Variants in EVC2 observed in about 807,000 individuals in gnomAD.
The protein encoded by EVC2 is limbin.
EVC2 carries 148 observed loss-of-function variants against 149.3 expected under a neutral mutation model. The ratio of observed to expected loss-of-function variants is 0.99; its 90% CI spans 0.87 to 1.14. The LOEUF (loss-of-function observed/expected upper bound fraction) is 1.14, where lower values mean the gene tolerates loss of function less well. Among genes scored for constraint, EVC2 ranks in the 50% most tolerant of loss-of-function variants. The pLI is 0.00. For synonymous variants in EVC2, 776 were observed against 649.9 expected (o/e 1.19, Z -2.95); for missense variants, 1,854 against 1,627.3 (o/e 1.14, Z -2.40).
intron 9 of EVC2, among the ~76,000 whole-genome samples, chr4:5,648,636 G>C (rs1717899462): frequency 6.6e-6 from 1 of 152,184 alleles, no homozygotes; most frequent in Non-Finnish European, 1.5e-5. Context: ...AATAATAATA[G>C]TTTCCTCATT....
intron 3 of EVC2, among the ~76,000 whole-genome samples, chr4:5,692,965 A>G (rs1015664058): frequency 6.6e-6 from 1 of 151,898 alleles, no homozygotes. Flanking sequence ...AGCCTGACCC[A>G]GGCCTCTGAT....
chr4:5,617,212 G>C (rs540397573), intron 15 of EVC2, among the ~76,000 whole-genome samples: 1 of 152,230 alleles, frequency 6.6e-6, no homozygotes, highest in African/African-American at 2.4e-5. Flanking sequence ...GAAAAGAAGT[G>C]AGTTTAAAGT....
rs748820015 is a variant in EVC2, at chr4:5,694,444, G to C, written c.341C>G (p.Ser114Ter). 9 of 1,614,084 alleles carry C rather than the reference G, an allele frequency of 5.6e-6. No homozygotes were observed. In the Admixed American group the frequency reaches 6.7e-5, roughly 12 times the overall value. ...TGGCCCACTAGAGGCTGCAGAAGTT[G>C]AGAGTGGGATGAAGACTTCCATTTT... is the stretch of plus-strand genomic sequence containing the variant. ...DKKMEVFIPL[S>*]TSAASSGPWA... is the part of the protein sequence containing the mutation. The change falls in exon 3 of 22, where the codon TCA (serine) becomes TGA (stop). Residue 114 changes from serine to a stop codon, truncating the protein, a stop_gained. Coordinates refer to ENST00000344408, the MANE Select transcript of EVC2 (RefSeq NM_147127.5). LOFTEE classifies it high-confidence loss of function.
intron 21 of EVC2, among the ~76,000 whole-genome samples, chr4:5,545,982 A>G (rs1174677848): frequency 6.6e-6 from 1 of 152,218 alleles, no homozygotes; most frequent in Non-Finnish European, 1.5e-5. Flanking sequence ...ATCACTGGCC[A>G]TCAGAGAAAT....
intron 15 of EVC2, 103 bp from the exon 16 acceptor site, chr4:5,615,647 C>G: frequency 6.5e-7 from 1 of 1,527,414 alleles, no homozygotes; most frequent in Non-Finnish European, 9.0e-7. Context: ...CTGCAGCTCC[C>G]AGAACTGCAA....
chr4:5,671,842 T>C (rs1405300169), intron 7 of EVC2, among the ~76,000 whole-genome samples: 2 of 152,198 alleles, frequency 1.3e-5, no homozygotes, highest in Non-Finnish European at 2.9e-5. Flanking sequence ...AATTCTTACA[T>C]CCATTTCACA....
chr4:5,571,141 C>T (rs1209047327), intron 19 of EVC2, among the ~76,000 whole-genome samples: 1 of 151,686 alleles, frequency 6.6e-6, no homozygotes, highest in African/African-American at 2.4e-5. Flanking sequence ...CGTGGTGAAA[C>T]CCCGTCTCTA....
rs548381022 is a variant in EVC2, at chr4:5,584,697, G to A, written c.2983C>T (p.Leu995Phe). ...TCAGATGCACTCAGCTCTTCCAGGAGCAAGTCCTGGATGCTGAGGAGGGCG... is the reference window on the plus strand; with the variant it reads ...TCAGATGCACTCAGCTCTTCCAGGAACAAGTCCTGGATGCTGAGGAGGGCG... ...YTALLSIQDL[L>F]LEELSASEML... Residue 995 changes from leucine (L) to phenylalanine (F), a missense_variant, in exon 17 of 22, where the codon CTC becomes TTC. Leu to Phe is a conservative substitution (Grantham distance 22). Transcript: ENST00000344408. 1 of 1,614,104 alleles carries A rather than the reference G, an allele frequency of 6.2e-7. No homozygotes were observed. The highest frequency in any genetic ancestry group is 1.3e-5 in the African/African-American group (1 of 75,028).
intron 16 of EVC2, among the ~76,000 whole-genome samples, chr4:5,591,304 G>A (rs890842834): frequency 6.6e-6 from 1 of 152,184 alleles, no homozygotes; most frequent in African/African-American, 2.4e-5. Context: ...CCCGTCAGAA[G>A]GGCCACCCTG....
intron 16 of EVC2, among the ~76,000 whole-genome samples, chr4:5,610,875 G>C (rs564679134): frequency 6.7e-6 from 1 of 149,444 alleles, no homozygotes; most frequent in African/African-American, 2.5e-5. Context: ...GACTAGGATG[G>C]GTAAGCTGGA....
At position 5,622,116 on chromosome 4, in the gene EVC2, C is replaced by T. The variant is rs577080685; in HGVS notation, c.2501+421G>A. Among the ~76,000 whole-genome samples the T allele has an allele frequency of 1.2e-3, 176 of 152,178 alleles. No homozygotes were observed. The Middle Eastern group carries it at 0.02, about 18-fold the overall frequency. The stretch of plus-strand genomic sequence containing the variant: ...CTAGCAGGGCCTGGAATGGCCTAAC[C>T]GCAAGCTCCCCTTCCCCCTCTGCTC... On this transcript the variant is annotated intron_variant, in intron 14 of 21. Transcript: ENST00000344408. This position sits in a 1 kb window ranked among gnomAD's most constrained non-coding sequence, Gnocchi z 5.8.
At chr4:5,650,392 T>C (rs1297286470) in intron 9 of EVC2, among the ~76,000 whole-genome samples, 1 of 151,964 alleles carries the variant, frequency 6.6e-6, no homozygotes, top group Non-Finnish European at 1.5e-5. Context: ...GATATTTCAT[T>C]ATGTTTGGAA....
chr4:5,705,890 G>A (rs967524330), intron 1 of EVC2, among the ~76,000 whole-genome samples: 3 of 152,132 alleles, frequency 2.0e-5, no homozygotes, highest in African/African-American at 4.8e-5. Context: ...TGCATTCCCA[G>A]TGGGCATCAA....
rs149561981 is a variant in EVC2, at chr4:5,699,126, G to C, written c.229-1479C>G. Among the ~76,000 whole-genome samples, 820 of 152,328 alleles carry C rather than the reference G, an allele frequency of 5.4e-3. 7 individuals carry two copies. The highest frequency in any genetic ancestry group is 0.019 in the African/African-American group (778 of 41,578). On this transcript the variant is annotated intron_variant, in intron 1 of 21. Coordinates refer to ENST00000344408, the MANE Select transcript of EVC2 (RefSeq NM_147127.5). Reference sequence around the variant, plus strand: ...GGTGTGGAGGAGGCCCACCCACGGAGATGGAGACTCCTGGAGGGACACGGA... The same window carrying C: ...GGTGTGGAGGAGGCCCACCCACGGACATGGAGACTCCTGGAGGGACACGGA...
At chr4:5,697,448 T>C (rs1721552517) in intron 2 of EVC2, 145 bp downstream of exon 2, 1 of 796,288 alleles carries the variant, frequency 1.3e-6, no homozygotes, top group Non-Finnish European at 2.1e-6. Flanking sequence ...CCTAGTTCTG[T>C]AAGGTCAGGG....
At position 5,596,160 on chromosome 4, in the gene EVC2, C is replaced by T. The variant is rs934247275; in HGVS notation, c.2830-11310G>A. Among the ~76,000 whole-genome samples, 77 of 152,210 alleles carry T rather than the reference C, an allele frequency of 5.1e-4. 1 individual carries two copies. Among genetic ancestry groups the T allele is most frequent in the African/African-American group, 1.5e-3 (63 of 41,512 alleles). On this transcript the variant is annotated intron_variant, in intron 16 of 21. Transcript: ENST00000344408. Reference sequence around the variant, plus strand: ...CCACTGTCAACATTAGACATATCAACAAGACAGAAAGTTAACAAGGATACC... The same window carrying T: ...CCACTGTCAACATTAGACATATCAATAAGACAGAAAGTTAACAAGGATACC...
chr4:5,543,829 A>G (rs1030523875), intron 21 of EVC2, among the ~76,000 whole-genome samples: 4 of 152,202 alleles, frequency 2.6e-5, no homozygotes, highest in Non-Finnish European at 5.9e-5. Context: ...TCTGGGCAGG[A>G]CACTCTCACA....
chr4:5,624,182 T>G (rs543493273), intron 13 of EVC2, among the ~76,000 whole-genome samples: 7 of 152,234 alleles, frequency 4.6e-5, no homozygotes, highest in African/African-American at 1.7e-4. Context: ...AAAGGCCCCG[T>G]GGTGGGAAAA....
At chr4:5,624,257 C>T (rs1279197452) in intron 13 of EVC2, among the ~76,000 whole-genome samples, 3 of 152,150 alleles carry the variant, frequency 2.0e-5, no homozygotes, top group East Asian at 1.9e-4. Flanking sequence ...CAGATAGTCT[C>T]GGTTCTATTT....
Sources: gnomAD v4.1 joint callset for allele counts (sites outside exome capture counted in the v4.1 genomes callset) on GRCh38, gnomAD v4.1.1 for gene constraint, Gnocchi (gnomAD v3.1) non-coding constraint, MANE v1.5 for transcripts, NCBI Gene and HGNC (gene_info 2026-07-23, HGNC 2026-07-21) for gene names.